GREB1: variants seen among roughly 807,000 people sequenced by gnomAD.
The protein encoded by GREB1 is protein GREB1.
A neutral mutation model predicts 200.7 loss-of-function variants in GREB1; 106 were observed. The observed-to-expected ratio is 0.53, with a 90% CI of 0.45 to 0.62. The LOEUF (loss-of-function observed/expected upper bound fraction) is 0.62. Ranked by LOEUF, GREB1 falls within the 20% of genes least tolerant of loss-of-function variation. GREB1 has a pLI of 0.00. For synonymous variants in GREB1, 1,132 were observed against 1,092.4 expected (o/e 1.04, Z -0.72); for missense variants, 2,243 against 2,556.8 (o/e 0.88, Z 2.65).
intron 2 of GREB1, chr2:11,561,612 G>C (rs1306613321): frequency 2.6e-5 from 4 of 152,112 alleles, no homozygotes; most frequent in East Asian, 1.9e-4. Context: ...TGATCCACCT[G>C]CCTCGGCGTC....
intron 23 of GREB1, among the ~76,000 whole-genome samples, chr2:11,624,543 C>T (rs1035315424): frequency 5.9e-5 from 9 of 151,618 alleles, no homozygotes; most frequent in African/African-American, 2.2e-4. Context: ...CGGGGTTTTA[C>T]CGTGTTGGCC....
rs374406809 is a variant in GREB1 at position 11,598,869 on chromosome 2, G to T, written c.2333+9G>T. Reference sequence around the variant, plus strand: ...CACTGGGATCTTGTGAGGTTAGATTGACTTGATATATGACAAGTTGACATT... The same window carrying T: ...CACTGGGATCTTGTGAGGTTAGATTTACTTGATATATGACAAGTTGACATT... On this transcript the variant is annotated intron_variant, in intron 15 of 32. Coordinates refer to ENST00000381486, the MANE Select transcript of GREB1 (RefSeq NM_014668.4). The T allele has an allele frequency of 1.2e-6, 2 of 1,608,684 alleles. No homozygotes were observed. The highest frequency in any genetic ancestry group is 1.7e-6 in the Non-Finnish European group (2 of 1,175,350).
chr2:11,505,938 A>G (rs1673171905), intron 1 of GREB1, among the ~76,000 whole-genome samples: 1 of 152,210 alleles, frequency 6.6e-6, no homozygotes, highest in Non-Finnish European at 1.5e-5. Context: ...TAAATCAGGA[A>G]AAAGGATAAT....
chr2:11,593,008 C>G lies in GREB1; in HGVS notation c.1578C>G (p.Ala526=), dbSNP rs76842987. ...TCATCGAGTGTGCTTACTCCCTGGCCGAGGGCCTCTCCGAGATGTTCCGGC... is the reference window on the plus strand; with the variant it reads ...TCATCGAGTGTGCTTACTCCCTGGCGGAGGGCCTCTCCGAGATGTTCCGGC... ...VHVIECAYSL[A]EGLSEMFRLL... is the part of the protein sequence containing the mutation. The change falls in exon 11 of 33, where the codon GCC becomes GCG. Residue 526 remains alanine (A), a synonymous_variant. Coordinates refer to ENST00000381486, the MANE Select transcript of GREB1 (RefSeq NM_014668.4). The G allele has an allele frequency of 0.04, 65,194 of 1,612,072 alleles. 3,428 individuals are homozygous for G. Among genetic ancestry groups the G allele is most frequent in the East Asian group, 0.21 (9,335 of 44,810 alleles).
intron 18 of GREB1, 88 bp downstream of exon 18, chr2:11,611,115 C>G (rs1682884532): frequency 8.5e-7 from 1 of 1,171,070 alleles, no homozygotes; most frequent in South Asian, 1.6e-5. Flanking sequence ...TGTCACGAAC[C>G]CCACAGCGTG....
chr2:11,487,761 C>A (rs992171102), intron 1 of GREB1, among the ~76,000 whole-genome samples: 3 of 152,240 alleles, frequency 2.0e-5, no homozygotes, highest in African/African-American at 7.2e-5. Flanking sequence ...CCTCCCCACA[C>A]CACAACCCTT....
intron 1 of GREB1, among the ~76,000 whole-genome samples, chr2:11,498,213 A>C (rs1672939760): frequency 1.3e-5 from 2 of 151,862 alleles, no homozygotes; most frequent in African/African-American, 4.8e-5. Flanking sequence ...TGTTTTTTCC[A>C]GAAGTGTTAT....
At chr2:11,617,073 GCCCT>G (rs1178408317) in intron 21 of GREB1, among the ~76,000 whole-genome samples, 2 of 152,202 alleles carry the variant, frequency 1.3e-5, no homozygotes, top group Non-Finnish European at 2.9e-5. Flanking sequence ...AAAACCCTGT[GCCCT>G]GTGGGGAGAG....
chr2:11,541,932 G>T (rs1674794806), intron 1 of GREB1, among the ~76,000 whole-genome samples: 1 of 152,168 alleles, frequency 6.6e-6, no homozygotes, highest in Non-Finnish European at 1.5e-5. Context: ...CAGCAAACCT[G>T]TACTCAACTT....
In GREB1 at chr2:11,497,505, G is replaced by T. The variant is rs532647492; in HGVS notation, c.-159+15124G>T. Among the ~76,000 whole-genome samples the T allele has an allele frequency of 1.4e-4, 22 of 152,172 alleles. 1 individual carries two copies. The South Asian group carries it at 4.6e-3, about 32-fold the overall frequency. ...TAAATATCCAAGAGTGCAATTGCTGGGTCTTATTTTAGTTGTATTTTTAAT... is the reference window on the plus strand; with the variant it reads ...TAAATATCCAAGAGTGCAATTGCTGTGTCTTATTTTAGTTGTATTTTTAAT... On this transcript the variant is annotated intron_variant, in intron 1 of 2. Transcript: ENST00000628795.
intron 1 of GREB1, among the ~76,000 whole-genome samples, chr2:11,508,001 A>G (rs1269497877): frequency 6.6e-6 from 1 of 152,256 alleles, no homozygotes; most frequent in Non-Finnish European, 1.5e-5. Flanking sequence ...GGAGGGAATT[A>G]TATGCCAAAA....
At chr2:11,532,351 C>G (rs574043684), upstream of GREB1, among the ~76,000 whole-genome samples, 1 of 152,180 alleles carries the variant, frequency 6.6e-6, no homozygotes, top group South Asian at 2.1e-4. Context: ...TCAATTGTGG[C>G]CAATAAAATA....
chr2:11,640,527 T>G lies in GREB1; in HGVS notation c.*73T>G. On this transcript the variant is annotated 3_prime_UTR_variant, in exon 33 of 33. Transcript: ENST00000381486. This position sits in a 1 kb window ranked among gnomAD's most constrained non-coding sequence, Gnocchi z 4.6. ...ATGCTGTTGAGGCTAAAGGGAGGCC[T>G]GGAACGGTGGGGCGTTTGACTGGAA... The G allele has an allele frequency of 6.5e-7, 1 of 1,541,254 alleles. No homozygotes were observed. The highest frequency in any genetic ancestry group is 8.9e-7 in the Non-Finnish European group (1 of 1,120,086).
intron 15 of GREB1, 60 bp downstream of exon 15, chr2:11,598,920 G>T (rs904473501): frequency 1.8e-5 from 25 of 1,392,092 alleles, no homozygotes; most frequent in Non-Finnish European, 2.4e-5. Flanking sequence ...GATGTATGTG[G>T]ATGTTCCCGG....
chr2:11,607,453 TG>T (rs1682423567), intron 17 of GREB1, among the ~76,000 whole-genome samples: 1 of 56,738 alleles, frequency 1.8e-5, no homozygotes, highest in African/African-American at 3.2e-5. Context: ...TGTGTGTGTG[TG>T]TGTGTGTATA....
intron 1 of GREB1, among the ~76,000 whole-genome samples, chr2:11,537,023 T>C (rs1159678519): frequency 1.3e-5 from 2 of 152,170 alleles, no homozygotes; most frequent in Non-Finnish European, 2.9e-5. Context: ...AGTGCAGTGT[T>C]GGAATTGTGG....
intron 1 of GREB1, among the ~76,000 whole-genome samples, chr2:11,518,747 CAAAA>C (rs11417674): frequency 9.8e-6 from 1 of 102,564 alleles, no homozygotes; most frequent in Non-Finnish European, 2.2e-5. Context: ...AAGTGAAATA[CAAAA>C]AAAAAAAAAA....
chr2:11,603,535 TG>T (rs1210031729), intron 17 of GREB1, among the ~76,000 whole-genome samples: 3 of 152,268 alleles, frequency 2.0e-5, no homozygotes, highest in Admixed American at 1.3e-4. Context: ...CCATGCATGC[TG>T]TAATTCTCCA....
intron 1 of GREB1, among the ~76,000 whole-genome samples, chr2:11,546,337 T>C (rs1675278329): frequency 6.6e-6 from 1 of 152,134 alleles, no homozygotes; most frequent in Admixed American, 6.5e-5. Flanking sequence ...AAAGAAATAT[T>C]GGTTTTCTTA....
Sources: gnomAD v4.1 joint callset for allele counts (sites outside exome capture counted in the v4.1 genomes callset) on GRCh38, gnomAD v4.1.1 for gene constraint, Gnocchi (gnomAD v3.1) non-coding constraint, MANE v1.5 for transcripts, NCBI Gene and HGNC (gene_info 2026-07-23, HGNC 2026-07-21) for gene names.